The following DNAJC2 variants were observed in gnomAD, a reference collection of about 807,000 sequenced individuals.
DNAJC2 encodes dnaJ homolog subfamily C member 2.
In DNAJC2, 32 loss-of-function variants were observed where a neutral mutation model predicts 94.0. The observed-to-expected ratio is 0.34, with a 90% CI of 0.26 to 0.46. The LOEUF (loss-of-function observed/expected upper bound fraction) is 0.46. DNAJC2 is among the 20% of genes least tolerant of loss of function. DNAJC2 has a pLI of 1.00. For synonymous variants in DNAJC2, 210 were observed against 229.7 expected, an observed-to-expected ratio of 0.91 and a Z score of 0.77; for missense variants, 550 against 719.5, an observed-to-expected ratio of 0.76 and a Z score of 2.69.
chr7:103,315,847 T>A lies in DNAJC2; in HGVS notation c.1553A>T (p.Asn518Ile), dbSNP rs1423601909. 2 of 1,613,378 alleles carry A rather than the reference T, an allele frequency of 1.2e-6. No homozygotes were observed. The highest frequency in any genetic ancestry group is 3.3e-5 in the Admixed American group (2 of 59,958). ...KLDPHQKDDI[N>I]KKAFDKFKKE... ...TTTGAACTTATCAAATGCCTTTTTA[T>A]TTATGTCATCTTTTTGATGAGGGTC... is the stretch of plus-strand genomic sequence containing the variant. The change falls in exon 15 of 17, where the codon AAT becomes ATT. Residue 518 changes from asparagine (N) to isoleucine (I), a missense_variant. Transcript: ENST00000379263.
chr7:103,322,837 T>A, intron 7 of DNAJC2, 43 bp from the exon 8 acceptor site: 1 of 1,427,068 alleles, frequency 7.0e-7, no homozygotes, highest in Non-Finnish European at 9.7e-7. Context: ...TGCTTATAGA[T>A]GCTATGACTG....
intron 2 of DNAJC2, among the ~76,000 whole-genome samples, chr7:103,338,613 A>T (rs1237305403): frequency 2.6e-5 from 4 of 151,730 alleles, no homozygotes; most frequent in Non-Finnish European, 4.4e-5. Flanking sequence ...CCCTGTCTTT[A>T]AAAAAAAGAA....
Position 103,319,814 on chromosome 7 carries a change from C to T in DNAJC2, c.1114G>A (p.Glu372Lys). ...ACTTCTTCCATCATTTTAACCCGCTCTGCCTCATTATCAGAAAAATGATTC... is the reference window on the plus strand; with the variant it reads ...ACTTCTTCCATCATTTTAACCCGCTTTGCCTCATTATCAGAAAAATGATTC... ...TWNHFSDNEA[E>K]RVKMMEEVEK... Residue 372 changes from glutamate (E) to lysine (K), a missense_variant, in exon 11 of 17, where the codon GAG becomes AAG. Around this residue, in one of 2 missense-constraint regions of DNAJC2, gnomAD observed 271 missense variants for 302.6 expected, o/e 0.90. Transcript: ENST00000379263. The T allele has an allele frequency of 2.5e-6, 4 of 1,614,204 alleles. No individual in the cohort carries two copies. Among genetic ancestry groups the T allele is most frequent in the South Asian group, 1.1e-5 (1 of 91,084 alleles).
intron 2 of DNAJC2, among the ~76,000 whole-genome samples, chr7:103,340,017 TA>T (rs2116051121): frequency 6.6e-6 from 1 of 152,280 alleles, no homozygotes; most frequent in East Asian, 1.9e-4. Context: ...TTTGTATTTT[TA>T]GTAGAGATGG....
intron 3 of DNAJC2, among the ~76,000 whole-genome samples, 171 bp from the exon 4 acceptor site, chr7:103,327,925 CTTA>C (rs904611966): frequency 3.9e-5 from 6 of 152,074 alleles, no homozygotes; most frequent in Non-Finnish European, 8.8e-5. Flanking sequence ...TTTATTTCTT[CTTA>C]TTATTTTTTG....
At chr7:103,327,318 A>C in intron 4 of DNAJC2, 1 of 1,268,062 alleles carries the variant, frequency 7.9e-7, no homozygotes, top group Non-Finnish European at 1.0e-6. Context: ...CTCATCATTA[A>C]ATAGAACACT....
rs1818270565 is a variant in DNAJC2 at position 103,319,609 on chromosome 7, C to G, written c.1242G>C (p.Gln414His). ...TAGGAGTGATGTGTTCCTCTATTAC[C>G]TGTTTTTCCAAAGCAGCCTTTCCTA... Reference protein sequence around the residue: ...KEVGKAALEKQIEEINEQIRK... With the variant: ...KEVGKAALEKHIEEINEQIRK... Residue 414 changes from glutamine (Q) to histidine (H), a missense_variant and splice_region_variant, in exon 12 of 17, where the codon CAG becomes CAC. Gln to His is a conservative substitution (Grantham distance 24). Coordinates refer to ENST00000379263, the MANE Select transcript of DNAJC2 (RefSeq NM_014377.3). 6.2e-7 allele frequency: 1 copy of G among 1,613,806 alleles called. No homozygotes were observed. The highest frequency in any genetic ancestry group is 8.5e-7 in the Non-Finnish European group (1 of 1,179,904).
At chr7:103,322,114 G>A in intron 9 of DNAJC2, 33 bp from the exon 10 acceptor site, 1 of 1,468,290 alleles carries the variant, frequency 6.8e-7, no homozygotes. Context: ...CATTTTAATA[G>A]GTACAGTAAA....
At chr7:103,323,086 T>A (rs572248923) in intron 7 of DNAJC2, among the ~76,000 whole-genome samples, 73 of 152,196 alleles carry the variant, frequency 4.8e-4, no homozygotes, top group African/African-American at 1.7e-3. Context: ...CCTGTCACCA[T>A]GCCTGGCTAC....
chr7:103,327,072 T>C (rs144479854), intron 4 of DNAJC2, among the ~76,000 whole-genome samples: 1 of 152,308 alleles, frequency 6.6e-6, no homozygotes, highest in African/African-American at 2.4e-5. Flanking sequence ...ACGGTGTGCA[T>C]ACAACTGTTC....
At chr7:103,316,645 T>C (rs974193964) in intron 13 of DNAJC2, 185 bp downstream of exon 13, 1 of 600,034 alleles carries the variant, frequency 1.7e-6, no homozygotes, top group Non-Finnish European at 3.0e-6. Context: ...TATATGTGCA[T>C]GTGTACTGAT....
chr7:103,316,704 T>G, intron 13 of DNAJC2, 126 bp downstream of exon 13: 1 of 805,496 alleles, frequency 1.2e-6, no homozygotes, highest in Non-Finnish European at 1.9e-6. Context: ...TTTTCACACT[T>G]TTCTGCTGTG....
chr7:103,341,629 A>G (rs1819377037), intron 2 of DNAJC2, 135 bp downstream of exon 2: 1 of 667,738 alleles, frequency 1.5e-6, no homozygotes, highest in Non-Finnish European at 2.4e-6. Context: ...CTCAAGACTT[A>G]GTAATAAACA....
At chr7:103,332,073 T>C (rs1214862070) in intron 3 of DNAJC2, among the ~76,000 whole-genome samples, 2 of 151,704 alleles carry the variant, frequency 1.3e-5, no homozygotes, top group Non-Finnish European at 2.9e-5. Context: ...GGTGCAGTCT[T>C]GGCTCACTGC....
At chr7:103,319,701 T>C in intron 11 of DNAJC2, 23 bp from the exon 12 acceptor site, 1 of 1,613,856 alleles carries the variant, frequency 6.2e-7, no homozygotes, top group Non-Finnish European at 8.5e-7. Flanking sequence ...AAAGAAGAAA[T>C]GAAACTTTAT....
intron 3 of DNAJC2, among the ~76,000 whole-genome samples, chr7:103,333,631 A>G (rs570626416): frequency 2.0e-5 from 3 of 152,280 alleles, no homozygotes; most frequent in South Asian, 2.1e-4. Flanking sequence ...CCATCATCCA[A>G]AAAGTTCCCT....
At chr7:103,333,995 G>GGCTGGAGT (rs1408853073) in intron 3 of DNAJC2, among the ~76,000 whole-genome samples, 1 of 149,688 alleles carries the variant, frequency 6.7e-6, no homozygotes, top group Non-Finnish European at 1.5e-5. Flanking sequence ...CTGTTGCCCA[G>GGCTGGAGT]GCTGGAGTGC....
intron 3 of DNAJC2, among the ~76,000 whole-genome samples, chr7:103,332,873 C>T (rs952203181): frequency 2.0e-5 from 3 of 152,202 alleles, no homozygotes; most frequent in African/African-American, 7.2e-5. Flanking sequence ...ATCCACCCAC[C>T]TCAGCCTTCT....
intron 3 of DNAJC2, chr7:103,328,938 T>G (rs1818850854): frequency 8.8e-7 from 1 of 1,136,284 alleles, no homozygotes; most frequent in Non-Finnish European, 1.2e-6. Context: ...TAGGATATAA[T>G]CACAGAAGTG....
Sources: allele counts gnomAD v4.1 joint callset (sites outside exome capture counted in the v4.1 genomes callset), GRCh38; gene constraint gnomAD v4.1.1; regional missense constraint gnomAD v4.1.1; transcripts MANE v1.5; gene names NCBI Gene and HGNC (gene_info 2026-07-23, HGNC 2026-07-21).